The following BBS9 variants were observed in gnomAD, a reference collection of about 807,000 sequenced individuals.
BBS9 encodes the protein Bardet-Biedl syndrome 9, also known as protein PTHB1.
BBS9 carries 89 observed loss-of-function variants against 117.7 expected under a neutral mutation model. The observed-to-expected ratio is 0.76, with a 90% CI of 0.64 to 0.90. The LOEUF is 0.90. Among genes scored for constraint, BBS9 ranks in the 40% least tolerant of loss-of-function variants. The pLI is 0.00. For synonymous variants in BBS9, 379 were observed against 370.9 expected, an observed-to-expected ratio of 1.02 and a Z score of -0.25; for missense variants, 982 against 1,042.2, an observed-to-expected ratio of 0.94 and a Z score of 0.80.
chr7:33,254,932 T>C (rs1796791706), intron 5 of BBS9, among the ~76,000 whole-genome samples: 1 of 152,240 alleles, frequency 6.6e-6, no homozygotes, highest in Non-Finnish European at 1.5e-5. Flanking sequence ...CCTTTTCATA[T>C]ACCTGTTGGC....
At chr7:33,597,098 C>T (rs2129190205) in intron 21 of BBS9, among the ~76,000 whole-genome samples, 1 of 150,194 alleles carries the variant, frequency 6.7e-6, no homozygotes, top group South Asian at 2.1e-4. Flanking sequence ...CACACACACA[C>T]ACACACACAC....
At chr7:33,451,344 C>T (rs1163675361) in intron 19 of BBS9, among the ~76,000 whole-genome samples, 2 of 152,166 alleles carry the variant, frequency 1.3e-5, no homozygotes, top group Admixed American at 6.5e-5. Flanking sequence ...ATGTTTCAGC[C>T]TTTAATCCAT....
intron 9 of BBS9, among the ~76,000 whole-genome samples, chr7:33,292,335 C>T (rs902990293): frequency 1.3e-5 from 2 of 152,066 alleles, no homozygotes; most frequent in African/African-American, 2.4e-5. Flanking sequence ...TCAAGTGATC[C>T]TCCCACCTCA....
chr7:33,472,536 A>AT (rs1371732865), intron 19 of BBS9, among the ~76,000 whole-genome samples: 4 of 152,208 alleles, frequency 2.6e-5, no homozygotes, highest in African/African-American at 9.6e-5. Context: ...AGATGAGGGC[A>AT]TGATGGTAGA....
intron 21 of BBS9, among the ~76,000 whole-genome samples, chr7:33,550,986 C>T (rs917821785): frequency 1.3e-5 from 2 of 151,920 alleles, no homozygotes; most frequent in Non-Finnish European, 2.9e-5. Flanking sequence ...GCTTTCTGAG[C>T]CATACTCCAG....
intron 5 of BBS9, among the ~76,000 whole-genome samples, chr7:33,250,950 A>T (rs1796123090): frequency 6.6e-6 from 1 of 152,178 alleles, no homozygotes; most frequent in Admixed American, 6.5e-5. Flanking sequence ...TCTAAGATGG[A>T]GGTGGGACAG....
At chr7:33,279,167 T>G (rs1163585283) in intron 9 of BBS9, among the ~76,000 whole-genome samples, 1 of 152,076 alleles carries the variant, frequency 6.6e-6, no homozygotes, top group African/African-American at 2.4e-5. Flanking sequence ...TAGCTACAAC[T>G]ATAGGCATAT....
At chr7:33,480,684 C>T (rs1563233824) in intron 19 of BBS9, among the ~76,000 whole-genome samples, 1 of 152,124 alleles carries the variant, frequency 6.6e-6, no homozygotes, top group African/African-American at 2.4e-5. Context: ...GTATATTGTT[C>T]AACTCTAAAT....
intron 5 of BBS9, among the ~76,000 whole-genome samples, chr7:33,195,178 G>A (rs1000464697): frequency 6.6e-6 from 1 of 152,144 alleles, no homozygotes; most frequent in Non-Finnish European, 1.5e-5. Context: ...GTTCATCACT[G>A]CATATCTAGT....
chr7:33,297,144 C>T (rs955131638), intron 9 of BBS9, among the ~76,000 whole-genome samples: 1 of 152,126 alleles, frequency 6.6e-6, no homozygotes, highest in Admixed American at 6.6e-5. Flanking sequence ...AAATGAATAA[C>T]ATATGACTCC....
At chr7:33,150,339 T>G (rs1793107098) in intron 2 of BBS9, among the ~76,000 whole-genome samples, 1 of 152,212 alleles carries the variant, frequency 6.6e-6, no homozygotes, top group Non-Finnish European at 1.5e-5. Flanking sequence ...TCGATAAAGC[T>G]ATCTTACATG....
At chr7:33,620,988 A>G (rs1865376829) in intron 21 of BBS9, among the ~76,000 whole-genome samples, 1 of 152,218 alleles carries the variant, frequency 6.6e-6, no homozygotes, top group Non-Finnish European at 1.5e-5. Context: ...CAATGGAGAA[A>G]ATAAATGGTG....
chr7:33,152,967 T>A, intron 3 of BBS9, 116 bp downstream of exon 3: 1 of 1,209,878 alleles, frequency 8.3e-7, no homozygotes, highest in Non-Finnish European at 1.2e-6. Context: ...TTTCTGGATA[T>A]TGTCACCTAG....
At chr7:33,489,288 C>A (rs1226317843) in intron 19 of BBS9, among the ~76,000 whole-genome samples, 1 of 150,702 alleles carries the variant, frequency 6.6e-6, no homozygotes, top group Admixed American at 6.6e-5. Context: ...GCCACTGCAC[C>A]CGGCCAGGAC....
chr7:33,175,061 T>C (rs1230293921), intron 4 of BBS9, among the ~76,000 whole-genome samples: 1 of 152,214 alleles, frequency 6.6e-6, no homozygotes, highest in Non-Finnish European at 1.5e-5. Context: ...CCCAGCACTT[T>C]GGGAGGCCGA....
At chr7:33,444,615 A>G (rs1374111975) in intron 19 of BBS9, among the ~76,000 whole-genome samples, 1 of 152,232 alleles carries the variant, frequency 6.6e-6, no homozygotes, top group Non-Finnish European at 1.5e-5. Context: ...CTTTTGTAGC[A>G]TGTTATTACA....
intron 5 of BBS9, chr7:33,243,064 C>T (rs1391057510): frequency 3.6e-5 from 18 of 498,042 alleles, no homozygotes; most frequent in Non-Finnish European, 5.2e-5. Flanking sequence ...AATGTATGGA[C>T]CACGTTGTAA....
chr7:33,231,768 A>C (rs945881464), intron 5 of BBS9, among the ~76,000 whole-genome samples: 1 of 152,098 alleles, frequency 6.6e-6, no homozygotes, highest in African/African-American at 2.4e-5. Context: ...TCAGGGTTTG[A>C]TTTATAATTG....
At chr7:33,294,339 A>T (rs1203721252) in intron 9 of BBS9, among the ~76,000 whole-genome samples, 1 of 119,140 alleles carries the variant, frequency 8.4e-6, no homozygotes, top group Admixed American at 8.3e-5. Flanking sequence ...CTATCTATCT[A>T]TCTATCTATC....
Sources: allele counts gnomAD v4.1 joint callset (sites outside exome capture counted in the v4.1 genomes callset), GRCh38; gene constraint gnomAD v4.1.1; transcripts MANE v1.5; gene names NCBI Gene and HGNC (gene_info 2026-07-23, HGNC 2026-07-21).